Variants in RAB3IP observed in about 807,000 individuals in gnomAD.
RAB3IP encodes RAB3A interacting protein.
RAB3IP carries 36 observed loss-of-function variants against 59.1 expected under a neutral mutation model. The ratio of observed to expected loss-of-function variants is 0.61; its 90% CI spans 0.47 to 0.80. RAB3IP has a LOEUF of 0.80. RAB3IP is among the 30% of genes least tolerant of loss of function. RAB3IP has a pLI of 0.00. For missense variants in RAB3IP, 511 were observed against 536.0 expected (o/e 0.95, Z 0.46); for synonymous variants, 207 against 191.2 (o/e 1.08, Z -0.68).
intron 8 of RAB3IP, among the ~76,000 whole-genome samples, chr12:69,804,470 C>T (rs537586684): frequency 1.4e-3 from 217 of 152,244 alleles, no homozygotes; most frequent in Non-Finnish European, 2.6e-3. Flanking sequence ...ATGGTGGTTT[C>T]TTTTGTTGTG....
intron 3 of RAB3IP, 147 bp from the exon 4 acceptor site, chr12:69,784,573 G>A (rs1285886498): frequency 6.2e-6 from 2 of 321,398 alleles, no homozygotes; most frequent in Middle Eastern, 8.8e-4. Context: ...CTTCCACATA[G>A]CAGGTGCTAG....
At chr12:69,759,379 A>G (rs960086483) in intron 3 of RAB3IP, among the ~76,000 whole-genome samples, 17 of 152,098 alleles carry the variant, frequency 1.1e-4, no homozygotes, top group African/African-American at 3.6e-4. Flanking sequence ...TCCTATGTCT[A>G]CTTCTTTCTA....
intron 1 of RAB3IP, among the ~76,000 whole-genome samples, chr12:69,747,585 A>G (rs139418208): frequency 1.4e-4 from 22 of 152,242 alleles, no homozygotes; most frequent in African/African-American, 5.3e-4. Flanking sequence ...GATTACAAGA[A>G]CCACTGTGCC....
intron 10 of RAB3IP, among the ~76,000 whole-genome samples, chr12:69,813,680 G>A (rs1002886810): frequency 1.3e-5 from 2 of 151,640 alleles, no homozygotes; most frequent in South Asian, 2.1e-4. Flanking sequence ...AGTATCTCTC[G>A]AGCACAAATG....
intron 1 of RAB3IP, among the ~76,000 whole-genome samples, chr12:69,740,860 A>G (rs904284399): frequency 6.6e-6 from 1 of 152,244 alleles, no homozygotes; most frequent in African/African-American, 2.4e-5. Flanking sequence ...TTTTATATGC[A>G]TTATAGTAGT....
intron 3 of RAB3IP, among the ~76,000 whole-genome samples, chr12:69,763,992 C>T (rs944695477): frequency 2.0e-5 from 3 of 152,176 alleles, no homozygotes; most frequent in Non-Finnish European, 4.4e-5. Context: ...ACTACATTTT[C>T]TTTATCTGAT....
chr12:69,795,171 T>C lies in RAB3IP; in HGVS notation c.715T>C (p.Leu239=). ...IDVLQAEVAA[L]KTLVLSSSPT... ...TGTACTTCAAGCTGAAGTAGCTGCATTGAAGACACTTGTATTGTCCAGTTC... is the reference window on the plus strand; with the variant it reads ...TGTACTTCAAGCTGAAGTAGCTGCACTGAAGACACTTGTATTGTCCAGTTC... Residue 239 remains leucine, a synonymous_variant, in exon 6 of 11, where the codon TTG becomes CTG. Coordinates refer to ENST00000247833, the MANE Select transcript of RAB3IP (RefSeq NM_022456.5). 1 of 1,614,010 alleles carries C rather than the reference T, an allele frequency of 6.2e-7. No individual in the cohort carries two copies. Among genetic ancestry groups the C allele is most frequent in the South Asian group, 1.1e-5 (1 of 91,076 alleles).
chr12:69,766,681 C>G (rs1872258069), intron 3 of RAB3IP, among the ~76,000 whole-genome samples: 1 of 152,012 alleles, frequency 6.6e-6, no homozygotes, highest in African/African-American at 2.4e-5. Flanking sequence ...GCCACCATGC[C>G]CAGCTATTTT....
intron 3 of RAB3IP, among the ~76,000 whole-genome samples, chr12:69,783,108 A>G (rs1875025229): frequency 6.6e-6 from 1 of 152,256 alleles, no homozygotes; most frequent in Non-Finnish European, 1.5e-5. Context: ...AACTTTACAT[A>G]TTTTTGTTTC....
At chr12:69,759,077 A>G (rs1870749400) in intron 3 of RAB3IP, among the ~76,000 whole-genome samples, 1 of 150,358 alleles carries the variant, frequency 6.7e-6, no homozygotes, top group African/African-American at 2.5e-5. Flanking sequence ...AGGGAAGGTC[A>G]GCAGATAAAC....
chr12:69,772,538 G>C (rs73130897), intron 3 of RAB3IP, among the ~76,000 whole-genome samples: 86 of 152,108 alleles, frequency 5.7e-4, no homozygotes, highest in Non-Finnish European at 1.0e-3. Context: ...AATATGTTTT[G>C]ACACCTTGCC....
In RAB3IP at chr12:69,759,981, G is replaced by A. The variant is rs779742761; in HGVS notation, c.510+3318G>A. 5.3e-5 allele frequency among the ~76,000 whole-genome samples: 8 copies of A among 150,554 alleles called. No homozygotes were observed. In the South Asian group the frequency reaches 1.0e-3, roughly 20 times the overall value. On this transcript the variant is annotated intron_variant, in intron 3 of 10. Coordinates refer to ENST00000247833, the MANE Select transcript of RAB3IP (RefSeq NM_022456.5). Reference sequence around the variant, plus strand: ...CTCCTCACTTCCCAGACGGGGTGGCGGCCGGGCAGAGGCTGCAATCTCGTC... The same window carrying A: ...CTCCTCACTTCCCAGACGGGGTGGCAGCCGGGCAGAGGCTGCAATCTCGTC...
chr12:69,816,013 C>T lies in RAB3IP; in HGVS notation c.*567C>T, dbSNP rs1401255962. The T allele has an allele frequency of 1.3e-5, 2 of 152,372 alleles. No individual in the cohort carries two copies. The highest frequency in any genetic ancestry group is 4.8e-5 in the African/African-American group (2 of 41,404). The allele number at this position is 152,372 out of a possible 1,614,324, so 9.4% of individuals were successfully genotyped here. A position where few individuals can be genotyped will look rare whatever the true frequency, so the allele number is the denominator to read the frequency against. ...TCTGCTCTCTGTAACTGAAAGAATC[C>T]CTTTATTTTGGTTATTCATTAAAAT... is the stretch of plus-strand genomic sequence containing the variant. On this transcript the variant is annotated 3_prime_UTR_variant, in exon 11 of 11. Coordinates refer to ENST00000247833, the MANE Select transcript of RAB3IP (RefSeq NM_022456.5).
intron 3 of RAB3IP, 26 bp downstream of exon 3, chr12:69,756,689 C>T (rs372101763): frequency 2.5e-6 from 4 of 1,573,748 alleles, no homozygotes; most frequent in Middle Eastern, 1.8e-4. Flanking sequence ...TTTTATTCTT[C>T]CATATATTAT....
intron 8 of RAB3IP, among the ~76,000 whole-genome samples, chr12:69,808,751 G>A (rs1879897824): frequency 6.6e-6 from 1 of 152,000 alleles, no homozygotes; most frequent in South Asian, 2.1e-4. Context: ...CCATTTGCTT[G>A]GTAGATCTTC....
Position 69,756,511 on chromosome 12 carries a change from C to G in RAB3IP, c.358C>G (p.Gln120Glu). The G allele has an allele frequency of 6.2e-7, 1 of 1,614,062 alleles. No homozygotes were observed. The highest frequency in any genetic ancestry group is 8.5e-7 in the Non-Finnish European group (1 of 1,179,978). ...CTATAATGCAGAGAGAGAGTTTTTA[C>G]AGGGTGCTACTATAACAGAGGCTTG... ...DNYNAEREFL[Q>E]GATITEACDG... The change falls in exon 3 of 11, where the codon CAG becomes GAG. Residue 120 changes from glutamine (Q) to glutamate (E), a missense_variant. Coordinates refer to ENST00000247833, the MANE Select transcript of RAB3IP (RefSeq NM_022456.5).
intron 8 of RAB3IP, among the ~76,000 whole-genome samples, chr12:69,808,402 T>G (rs1190278940): frequency 6.6e-6 from 1 of 152,250 alleles, no homozygotes; most frequent in African/African-American, 2.4e-5. Flanking sequence ...AGATGTCTAT[T>G]AGGTCTGCTT....
chr12:69,778,388 A>G (rs1874002741), intron 3 of RAB3IP, among the ~76,000 whole-genome samples: 1 of 81,554 alleles, frequency 1.2e-5, no homozygotes, highest in Non-Finnish European at 2.4e-5. Flanking sequence ...GAGTAATTTG[A>G]TCGTCTGAAG....
At chr12:69,784,203 G>T (rs1240416046) in intron 3 of RAB3IP, among the ~76,000 whole-genome samples, 2 of 151,964 alleles carry the variant, frequency 1.3e-5, no homozygotes, top group African/African-American at 4.8e-5. Flanking sequence ...ATGCAAATAT[G>T]CATCATTTAT....
Sources: gnomAD v4.1 joint callset for allele counts (sites outside exome capture counted in the v4.1 genomes callset) on GRCh38, gnomAD v4.1.1 for gene constraint, MANE v1.5 for transcripts, NCBI Gene and HGNC (gene_info 2026-07-23, HGNC 2026-07-21) for gene names.